Variants in DMD observed in about 807,000 individuals in gnomAD.
The protein encoded by DMD is mutant dystrophin.
DMD carries 63 observed loss-of-function variants against 330.1 expected under a neutral mutation model. The observed-to-expected ratio is 0.19, with a 90% confidence interval of 0.16 to 0.24. The LOEUF is 0.24. DMD is among the 10% of genes least tolerant of loss of function. DMD has a pLI of 1.00. For synonymous variants in DMD, 1,223 were observed against 959.8 expected (o/e 1.27, Z -5.07); for missense variants, 3,344 against 2,684.1 (o/e 1.25, Z -5.43).
intron 44 of DMD, among the ~76,000 whole-genome samples, chrX:32,190,532 C>A: frequency 1.4e-5 from 1 of 73,373 alleles, no homozygotes; most frequent in South Asian, 7.7e-4. Context: ...CATATTCTAG[C>A]TAACCATATT....
chrX:33,247,633 T>A (rs2052688973), intron 1 of DMD, among the ~76,000 whole-genome samples: 1 of 111,916 alleles, frequency 8.9e-6, no homozygotes, highest in African/African-American at 3.2e-5. Context: ...AAATTTCTCA[T>A]AGACTCTAAT....
intron 44 of DMD, among the ~76,000 whole-genome samples, chrX:32,167,166 G>A (rs66892056): frequency 0.31 from 34,401 of 110,931 alleles, 4,599 homozygotes; most frequent in African/African-American, 0.5. Context: ...AATTCAATGT[G>A]GTTACATTTC....
At chrX:32,635,689 T>C (rs2059047618) in intron 11 of DMD, among the ~76,000 whole-genome samples, 1 of 111,808 alleles carries the variant, frequency 8.9e-6, no homozygotes, top group Admixed American at 9.5e-5. Flanking sequence ...GAATGGTCCA[T>C]AGGAAGCATA....
At chrX:31,932,868 C>T in intron 45 of DMD, among the ~76,000 whole-genome samples, 1 of 112,425 alleles carries the variant, frequency 8.9e-6, no homozygotes, top group Non-Finnish European at 1.9e-5. Flanking sequence ...TTTAGCATTA[C>T]TAACATTTAG....
At chrX:32,447,937 A>G (rs1191433482) in intron 27 of DMD, among the ~76,000 whole-genome samples, 1 of 111,455 alleles carries the variant, frequency 9.0e-6, no homozygotes, top group Non-Finnish European at 1.9e-5. Flanking sequence ...AATGCAAACC[A>G]TCAAAAAATA....
intron 2 of DMD, among the ~76,000 whole-genome samples, chrX:32,914,352 C>G (rs963379666): frequency 8.9e-6 from 1 of 111,968 alleles, no homozygotes; most frequent in Non-Finnish European, 1.9e-5. Context: ...TCGGTACAGA[C>G]CAGAGCTTGA....
chrX:33,332,134 C>T (rs778067201), intron 1 of DMD, among the ~76,000 whole-genome samples: 3 of 111,509 alleles, frequency 2.7e-5, no homozygotes, highest in Non-Finnish European at 5.7e-5. Flanking sequence ...ACTGAAGACA[C>T]TGTCTTACAT....
At chrX:33,288,219 T>A (rs1310110133) in intron 1 of DMD, among the ~76,000 whole-genome samples, 1 of 111,900 alleles carries the variant, frequency 8.9e-6, no homozygotes, top group Non-Finnish European at 1.9e-5. Flanking sequence ...ATAAAGATTT[T>A]ACTTTCTATA....
intron 10 of DMD, 93 bp downstream of exon 10, chrX:32,644,871 T>C (rs1056288516): frequency 1.4e-4 from 151 of 1,049,546 alleles, no homozygotes; most frequent in Non-Finnish European, 1.9e-4. Context: ...ATTTCCAAAA[T>C]ACAAGGATGT....
rs907237595 is a variant in DMD, at chrX:32,438,255, C to T, written c.4057G>A (p.Glu1353Lys). The change falls in exon 29 of 79, where the codon GAA becomes AAA. Residue 1353 changes from glutamate (E) to lysine (K), a missense_variant. Physicochemically the swap from Glu to Lys is moderately conservative, Grantham distance 56 (BLOSUM62 1). Transcript: ENST00000357033. ...TATCTTCATACCTCTTCATGTAGTT[C>T]CCTCCAACGAGAATTAAATGTCTCA... ...ELETFNSRWRELHEEAVRRQK... is the reference protein window; with the variant it reads ...ELETFNSRWRKLHEEAVRRQK... The T allele has an allele frequency of 1.7e-6, 2 of 1,210,811 alleles. No individual in the cohort carries two copies. Among genetic ancestry groups the T allele is most frequent in the Non-Finnish European group, 2.2e-6 (2 of 895,068 alleles).
intron 1 of DMD, among the ~76,000 whole-genome samples, chrX:33,337,320 G>C (rs979597874): frequency 2.7e-5 from 3 of 110,989 alleles, no homozygotes; most frequent in Non-Finnish European, 3.8e-5. Flanking sequence ...AAGTAACATT[G>C]GCCAAAGAGG....
In DMD at chrX:32,541,245, G is replaced by A. The variant is rs57894415; in HGVS notation, c.2168+3914C>T. Among the ~76,000 whole-genome samples, 774 of 110,709 alleles carry A rather than the reference G, an allele frequency of 7.0e-3. 17 individuals carry two copies. Among genetic ancestry groups the A allele is most frequent in the Admixed American group, 0.059 (615 of 10,357 alleles). ...GAATTTTTCCCTGTCGATAATAGATGACTACCATCTCCATCACTACCTCCA... is the reference window on the plus strand; with the variant it reads ...GAATTTTTCCCTGTCGATAATAGATAACTACCATCTCCATCACTACCTCCA... On this transcript the variant is annotated intron_variant, in intron 17 of 78. Transcript: ENST00000357033.
intron 1 of DMD, among the ~76,000 whole-genome samples, chrX:33,322,516 A>G (rs776577887): frequency 9.0e-6 from 1 of 111,725 alleles, no homozygotes; most frequent in African/African-American, 3.2e-5. Context: ...ATCATTGATC[A>G]TAGATCATAG....
At chrX:33,256,169 CCTT>C (rs2052853334) in intron 1 of DMD, among the ~76,000 whole-genome samples, 1 of 110,967 alleles carries the variant, frequency 9.0e-6, no homozygotes, top group Non-Finnish European at 1.9e-5. Context: ...TAATTATTGT[CCTT>C]CTGCATAGAC....
chrX:33,289,321 G>T (rs2053480080), intron 1 of DMD, among the ~76,000 whole-genome samples: 1 of 110,855 alleles, frequency 9.0e-6, no homozygotes, highest in Non-Finnish European at 1.9e-5. Context: ...GATGTAAGTA[G>T]AATATGGGAT....
chrX:32,462,953 C>G (rs2098388754), intron 25 of DMD, among the ~76,000 whole-genome samples: 2 of 110,966 alleles, frequency 1.8e-5, no homozygotes, highest in African/African-American at 6.5e-5. Context: ...GAGGGAGACC[C>G]TGTCCCAAAA....
chrX:31,660,259 C>T (rs2081049684), intron 53 of DMD, among the ~76,000 whole-genome samples: 1 of 112,109 alleles, frequency 8.9e-6, no homozygotes, highest in East Asian at 2.8e-4. Flanking sequence ...CTTCCATACT[C>T]CTTTTATCAA....
At chrX:32,585,922 A>C (rs191261759) in intron 13 of DMD, among the ~76,000 whole-genome samples, 3 of 109,332 alleles carry the variant, frequency 2.7e-5, no homozygotes, top group South Asian at 7.9e-4. Context: ...TTTCAAATCT[A>C]CCTAACACCC....
chrX:32,928,083 T>G (rs766340056), intron 2 of DMD, among the ~76,000 whole-genome samples: 1 of 111,207 alleles, frequency 9.0e-6, no homozygotes, highest in Non-Finnish European at 1.9e-5. Flanking sequence ...ATAAAAATAT[T>G]AAATATTTTT....
Sources: allele counts gnomAD v4.1 joint callset (sites outside exome capture counted in the v4.1 genomes callset), GRCh38; gene constraint gnomAD v4.1.1; transcripts MANE v1.5; gene names NCBI Gene and HGNC (gene_info 2026-07-23, HGNC 2026-07-21).